SCN10A: variants seen among roughly 807,000 people sequenced by gnomAD.
The protein encoded by SCN10A is sodium voltage-gated channel alpha subunit 10.
Under a neutral mutation model 170.7 loss-of-function variants are expected in SCN10A, and 162 were observed. The ratio of observed to expected loss-of-function variants is 0.95; its 90% CI spans 0.84 to 1.08. SCN10A has a LOEUF of 1.08. Among genes scored for constraint, SCN10A ranks in the 50% least tolerant of loss-of-function variants. The pLI is 0.00. For missense variants in SCN10A, 2,527 were observed against 2,436.9 expected (o/e 1.04, Z -0.78); for synonymous variants, 985 against 904.6 (o/e 1.09, Z -1.59).
chr3:38,770,150 C>T (rs1488175784), intron 5 of SCN10A, among the ~76,000 whole-genome samples: 2 of 152,118 alleles, frequency 1.3e-5, no homozygotes, highest in African/African-American at 4.8e-5. Flanking sequence ...CAAAGTTATT[C>T]TGTCATGAGT....
chr3:38,699,178 T>C (rs1325923343), intron 27 of SCN10A, among the ~76,000 whole-genome samples: 1 of 149,464 alleles, frequency 6.7e-6, no homozygotes. Flanking sequence ...TGACCAGCTG[T>C]CTGCACAATG....
intron 21 of SCN10A, 73 bp from the exon 22 acceptor site, chr3:38,714,153 C>G: frequency 6.3e-7 from 1 of 1,577,316 alleles, no homozygotes. Context: ...GAGACAGGAA[C>G]TCCCTGCCCA....
intron 3 of SCN10A, among the ~76,000 whole-genome samples, chr3:38,791,710 C>T (rs552432767): frequency 1.3e-5 from 2 of 152,148 alleles, no homozygotes; most frequent in African/African-American, 2.4e-5. Flanking sequence ...GTGGGGAAAG[C>T]GGACCACACA....
chr3:38,710,053 G>T (rs1158860701), intron 24 of SCN10A, among the ~76,000 whole-genome samples: 1 of 152,216 alleles, frequency 6.6e-6, no homozygotes, highest in Non-Finnish European at 1.5e-5. Context: ...CAGCCTGCAG[G>T]TGAAATCAGA....
intron 8 of SCN10A, among the ~76,000 whole-genome samples, chr3:38,757,879 C>T (rs922560615): frequency 7.2e-5 from 11 of 152,128 alleles, no homozygotes; most frequent in African/African-American, 2.7e-4. Flanking sequence ...GAACTCCTTC[C>T]TCTCTCTCAT....
chr3:38,794,613 C>T (rs1260132934), intron 1 of SCN10A, among the ~76,000 whole-genome samples: 1 of 152,176 alleles, frequency 6.6e-6, no homozygotes, highest in African/African-American at 2.4e-5. Context: ...ACACTTTTCC[C>T]CATAACCAGA....
At chr3:38,729,439 G>T (rs2063492946) in intron 15 of SCN10A, among the ~76,000 whole-genome samples, 1 of 152,100 alleles carries the variant, frequency 6.6e-6, no homozygotes, top group Non-Finnish European at 1.5e-5. Context: ...ATGATTTCAT[G>T]GACTCAGCAT....
At chr3:38,771,073 T>G (rs1400488322) in intron 5 of SCN10A, among the ~76,000 whole-genome samples, 1 of 152,198 alleles carries the variant, frequency 6.6e-6, no homozygotes, top group Non-Finnish European at 1.5e-5. Context: ...CTTGCAGAAT[T>G]TCCAGCAGTG....
chr3:38,788,039 G>GCC (rs2064229645), intron 4 of SCN10A, among the ~76,000 whole-genome samples: 1 of 151,862 alleles, frequency 6.6e-6, no homozygotes, highest in Non-Finnish European at 1.5e-5. Flanking sequence ...GTGTATATGT[G>GCC]CCACATTTAT....
chr3:38,799,779 T>C (rs1386958980), intron 1 of SCN10A, among the ~76,000 whole-genome samples: 1 of 152,214 alleles, frequency 6.6e-6, no homozygotes, highest in Non-Finnish European at 1.5e-5. Context: ...AGGTGATTTA[T>C]TCATGGAACC....
intron 26 of SCN10A, among the ~76,000 whole-genome samples, chr3:38,706,197 T>C (rs940945719): frequency 6.6e-6 from 1 of 152,230 alleles, no homozygotes; most frequent in African/African-American, 2.4e-5. Flanking sequence ...CTTGTAAATG[T>C]TTTTCACTTT....
At chr3:38,773,500 A>T (rs1303128756) in intron 4 of SCN10A, among the ~76,000 whole-genome samples, 1 of 152,238 alleles carries the variant, frequency 6.6e-6, no homozygotes, top group Non-Finnish European at 1.5e-5. Context: ...CCCATAGGAA[A>T]AAAATGATAC....
At chr3:38,720,105 T>A (rs1198095512) in intron 20 of SCN10A, among the ~76,000 whole-genome samples, 2 of 152,258 alleles carry the variant, frequency 1.3e-5, no homozygotes, top group African/African-American at 4.8e-5. Context: ...TGGGATCAGC[T>A]GAAGCCGGAT....
intron 1 of SCN10A, among the ~76,000 whole-genome samples, chr3:38,812,927 A>G (rs879379101): frequency 1.3e-5 from 2 of 152,062 alleles, no homozygotes; most frequent in Non-Finnish European, 1.5e-5. Flanking sequence ...CCAGCTACTC[A>G]GGAGCTGAGG....
rs187147755 is a variant in SCN10A at position 38,725,750 on chromosome 3, C to T, written c.3088-436G>A. On this transcript the variant is annotated intron_variant, in intron 17 of 27. Transcript: ENST00000449082. ...TAGGGAACTTGGCCACCTGGAGCTC[C>T]CTAAGAGCCCCAAAGTAACTGAAAA... is the stretch of plus-strand genomic sequence containing the variant. 1.3e-3 allele frequency among the ~76,000 whole-genome samples: 200 copies of T among 152,326 alleles called. 2 individuals carry two copies. The East Asian group carries it at 0.018, about 14-fold the overall frequency.
At chr3:38,745,489 C>T (rs2063676526) in intron 13 of SCN10A, among the ~76,000 whole-genome samples, 2 of 152,004 alleles carry the variant, frequency 1.3e-5, no homozygotes, top group Admixed American at 1.3e-4. Context: ...CAAAAACTCC[C>T]CCAAACACAA....
intron 4 of SCN10A, among the ~76,000 whole-genome samples, chr3:38,783,555 TG>T (rs1225480971): frequency 2.0e-5 from 3 of 152,088 alleles, no homozygotes; most frequent in African/African-American, 7.2e-5. Flanking sequence ...TTTTTATTGC[TG>T]TAAGTTTTCT....
At position 38,752,384 on chromosome 3, in the gene SCN10A, G is replaced by A. The variant is rs770543896; in HGVS notation, c.1590C>T (p.His530=). 4.4e-5 allele frequency: 71 copies of A among 1,613,852 alleles called. No individual in the cohort carries two copies. In the Admixed American group the frequency reaches 8.2e-4, roughly 19 times the overall value. ...VTDDGVFPGD[H]ESHRGSLLLG... ...GCAGCAGAGAGCCCCGATGGCTTTC[G>A]TGGTCTCCAGGAAAGACTCCATCAT... Residue 530 remains histidine, a synonymous_variant, in exon 12 of 28, where the codon CAC becomes CAT. Coordinates refer to ENST00000449082, the MANE Select transcript of SCN10A (RefSeq NM_006514.4).
intron 15 of SCN10A, among the ~76,000 whole-genome samples, chr3:38,729,311 G>T (rs551613713): frequency 1.3e-4 from 20 of 152,156 alleles, no homozygotes; most frequent in Non-Finnish European, 2.2e-4. Flanking sequence ...CCTCCTTCGG[G>T]TAGGGGATGA....
Sources: gnomAD v4.1 joint callset for allele counts (sites outside exome capture counted in the v4.1 genomes callset) on GRCh38, gnomAD v4.1.1 for gene constraint, MANE v1.5 for transcripts, NCBI Gene and HGNC (gene_info 2026-07-23, HGNC 2026-07-21) for gene names.